SH2D4B: variants seen among roughly 807,000 people sequenced by gnomAD.
SH2D4B encodes SH2 domain containing 4B.
In SH2D4B, 45 loss-of-function variants were observed where a neutral mutation model predicts 61.5. The observed-to-expected ratio is 0.73, with a 90% confidence interval of 0.58 to 0.94. SH2D4B has a LOEUF of 0.94. Among genes scored for constraint, SH2D4B ranks in the 40% least tolerant of loss-of-function variants. The pLI, the probability that SH2D4B is intolerant of heterozygous loss-of-function variation, is 0.00. For synonymous variants in SH2D4B, 224 were observed against 220.4 expected (o/e 1.02, Z -0.14); for missense variants, 572 against 574.2 (o/e 1.00, Z 0.04).
At chr10:80,540,014 T>C (rs2132098415) in intron 1 of SH2D4B, among the ~76,000 whole-genome samples, 1 of 152,234 alleles carries the variant, frequency 6.6e-6, no homozygotes, top group African/African-American at 2.4e-5. Context: ...GATGCCTGCA[T>C]GATGACTCTT....
chr10:80,643,047 A>T (rs752235644), intron 7 of SH2D4B: 2 of 152,496 alleles, frequency 1.3e-5, no homozygotes, highest in Non-Finnish European at 2.9e-5. Context: ...GGCCACTTGG[A>T]TTTCTTCTGT....
chr10:80,608,396 C>T (rs113339999), intron 5 of SH2D4B, among the ~76,000 whole-genome samples: 19 of 152,214 alleles, frequency 1.2e-4, no homozygotes, highest in South Asian at 8.3e-4. Context: ...CGTGAGCCAC[C>T]GCGCCCGGCC....
intron 4 of SH2D4B, among the ~76,000 whole-genome samples, chr10:80,602,857 C>T (rs1314438258): frequency 4.6e-5 from 7 of 152,158 alleles, no homozygotes; most frequent in East Asian, 1.9e-4. Context: ...GGTTTTAAAT[C>T]GAAGGTAGCT....
At chr10:80,586,585 A>C (rs932769766) in intron 3 of SH2D4B, among the ~76,000 whole-genome samples, 3 of 152,090 alleles carry the variant, frequency 2.0e-5, no homozygotes, top group African/African-American at 7.2e-5. Context: ...TGTCTAGCTC[A>C]GGGATTGTAA....
chr10:80,561,226 A>G (rs1036184147), intron 1 of SH2D4B, among the ~76,000 whole-genome samples: 2 of 152,234 alleles, frequency 1.3e-5, no homozygotes, highest in East Asian at 1.9e-4. Context: ...TGTCACTTCA[A>G]GGAAAACAAC....
At position 80,645,164 on chromosome 10, in the gene SH2D4B, T is replaced by A. The variant is rs879586779; in HGVS notation, c.*1079T>A. On this transcript the variant is annotated 3_prime_UTR_variant, in exon 8 of 8. Coordinates refer to ENST00000646907, the MANE Select transcript of SH2D4B (RefSeq NM_001388272.1). ...ACTAGCATTATAATGCTTGCAGCAT[T>A]GTGTTTGGTGAGAGGAAAAGAATGA... is the stretch of plus-strand genomic sequence containing the variant. The A allele has an allele frequency of 6.6e-6, 1 of 152,242 alleles. No homozygotes were observed. The highest frequency in any genetic ancestry group is 1.5e-5 in the Non-Finnish European group (1 of 68,044). The allele number at this position is 152,242 out of a possible 1,614,324, so 9.4% of individuals were successfully genotyped here.
chr10:80,569,978 T>G (rs1053309626), intron 1 of SH2D4B, among the ~76,000 whole-genome samples, 176 bp from the exon 2 acceptor site: 1 of 152,062 alleles, frequency 6.6e-6, no homozygotes, highest in African/African-American at 2.4e-5. Context: ...CCTAGAGGAA[T>G]AGAGAGTGGG....
chr10:80,543,819 T>G (rs1841623012), intron 1 of SH2D4B, among the ~76,000 whole-genome samples: 1 of 152,038 alleles, frequency 6.6e-6, no homozygotes, highest in Admixed American at 6.5e-5. Context: ...AATGCACCAA[T>G]GGACACTCTG....
intron 6 of SH2D4B, among the ~76,000 whole-genome samples, chr10:80,618,314 C>T (rs1842681834): frequency 6.6e-6 from 1 of 152,086 alleles, no homozygotes; most frequent in African/African-American, 2.4e-5. Context: ...TGGGTGATAC[C>T]ACTCTCTCAT....
At chr10:80,595,282 A>G (rs931630421) in intron 4 of SH2D4B, among the ~76,000 whole-genome samples, 4 of 152,172 alleles carry the variant, frequency 2.6e-5, no homozygotes, top group Admixed American at 2.0e-4. Context: ...TCTCTCAACC[A>G]GGTCTTCTGT....
Position 80,644,522 on chromosome 10 carries a change from A to G in SH2D4B, c.*437A>G, listed in dbSNP as rs963168242. On this transcript the variant is annotated 3_prime_UTR_variant, in exon 8 of 8. Transcript: ENST00000646907. ...ACAAATTAGCAGTGGTTTCTTGTAAATTATTTCCTACTCGCCACTCTATAA... is the reference window on the plus strand; with the variant it reads ...ACAAATTAGCAGTGGTTTCTTGTAAGTTATTTCCTACTCGCCACTCTATAA... The G allele has an allele frequency of 6.5e-6, 1 of 154,336 alleles. No individual in the cohort carries two copies. The highest frequency in any genetic ancestry group is 1.4e-5 in the Non-Finnish European group (1 of 69,530). 9.6% of individuals were successfully genotyped at this position (154,336 alleles called of 1,614,324 possible).
chr10:80,615,983 G>A (rs1160006836), intron 6 of SH2D4B, among the ~76,000 whole-genome samples: 1 of 152,148 alleles, frequency 6.6e-6, no homozygotes, highest in Non-Finnish European at 1.5e-5. Context: ...GGCACATCAG[G>A]AACCGAGGCA....
At chr10:80,626,688 A>G (rs1842770428) in intron 6 of SH2D4B, among the ~76,000 whole-genome samples, 1 of 151,754 alleles carries the variant, frequency 6.6e-6, no homozygotes, top group Non-Finnish European at 1.5e-5. Flanking sequence ...CCTCATTACT[A>G]CCCCTCACTG....
In SH2D4B at chr10:80,564,091, G is replaced by A. The variant is rs891422945; in HGVS notation, c.185-6063G>A. ...ATTTAAATGTTTTCTCTCATTTGGT[G>A]TTTTGATTTTTAATTGTCTTTATGA... On this transcript the variant is annotated intron_variant, in intron 1 of 7. Coordinates refer to ENST00000646907, the MANE Select transcript of SH2D4B (RefSeq NM_001388272.1). 9.7e-4 allele frequency among the ~76,000 whole-genome samples: 147 copies of A among 152,086 alleles called. 10 individuals carry two copies. Among genetic ancestry groups the A allele is most frequent in the Non-Finnish European group, 8.8e-5 (6 of 68,002 alleles).
intron 6 of SH2D4B, among the ~76,000 whole-genome samples, chr10:80,614,174 G>A (rs1014483136): frequency 6.6e-6 from 1 of 152,160 alleles, no homozygotes; most frequent in Non-Finnish European, 1.5e-5. Context: ...ACCCGAGGCT[G>A]GGTAATTTAT....
chr10:80,560,503 A>G (rs1841890452), intron 1 of SH2D4B, among the ~76,000 whole-genome samples: 1 of 151,548 alleles, frequency 6.6e-6, no homozygotes, highest in Non-Finnish European at 1.5e-5. Flanking sequence ...CTCCAGCCTC[A>G]GCCTTCCAAG....
chr10:80,622,312 T>A (rs1842723644), intron 6 of SH2D4B, among the ~76,000 whole-genome samples: 1 of 152,220 alleles, frequency 6.6e-6, no homozygotes, highest in Non-Finnish European at 1.5e-5. Context: ...TATAGGGAAG[T>A]TGTTCTGCTC....
chr10:80,639,117 G>C (rs1223377024), intron 7 of SH2D4B, among the ~76,000 whole-genome samples: 2 of 152,188 alleles, frequency 1.3e-5, no homozygotes, highest in Non-Finnish European at 2.9e-5. Context: ...TCTTAGTCTT[G>C]AGTTCTAATT....
chr10:80,612,325 T>G (rs919939638), intron 6 of SH2D4B, among the ~76,000 whole-genome samples: 9 of 151,920 alleles, frequency 5.9e-5, no homozygotes, highest in African/African-American at 2.2e-4. Flanking sequence ...CAGAGGCAGG[T>G]GGCCTGCACC....
Sources: allele counts gnomAD v4.1 joint callset (sites outside exome capture counted in the v4.1 genomes callset), GRCh38; gene constraint gnomAD v4.1.1; transcripts MANE v1.5; gene names NCBI Gene and HGNC (gene_info 2026-07-23, HGNC 2026-07-21).